RHOJ: variants seen among roughly 807,000 people sequenced by gnomAD.
RHOJ encodes the protein rho-related GTP-binding protein RhoJ.
A neutral mutation model predicts 23.4 loss-of-function variants in RHOJ; 11 were observed. The ratio of observed to expected loss-of-function variants is 0.47; its 90% CI spans 0.30 to 0.78. The LOEUF is 0.78. RHOJ is among the 30% of genes least tolerant of loss of function. RHOJ has a pLI of 0.08. For synonymous variants in RHOJ, 102 were observed against 102.7 expected (o/e 0.99, Z 0.04); for missense variants, 254 against 273.4 (o/e 0.93, Z 0.50).
intron 1 of RHOJ, among the ~76,000 whole-genome samples, chr14:63,231,363 A>G (rs1480826513): frequency 6.6e-6 from 1 of 152,188 alleles, no homozygotes; most frequent in African/African-American, 2.4e-5. Context: ...AGTGAACACA[A>G]CTACCTTGCT....
chr14:63,274,440 G>A (rs2139659186), intron 2 of RHOJ, among the ~76,000 whole-genome samples: 1 of 152,292 alleles, frequency 6.6e-6, no homozygotes. Context: ...AAAGAGAGCT[G>A]TAGGAACACT....
At chr14:63,284,195 A>C (rs1408441434) in intron 4 of RHOJ, 2 of 981,910 alleles carry the variant, frequency 2.0e-6, no homozygotes, top group African/African-American at 3.5e-5. Context: ...ATCTTATTAA[A>C]TCTTGCTTGC....
At chr14:63,245,685 A>T (rs1295085124) in intron 1 of RHOJ, among the ~76,000 whole-genome samples, 2 of 152,146 alleles carry the variant, frequency 1.3e-5, no homozygotes, top group East Asian at 1.9e-4. Flanking sequence ...TGGAGGGGTT[A>T]TAACTGTACA....
At chr14:63,273,072 A>C (rs1166861304) in intron 2 of RHOJ, among the ~76,000 whole-genome samples, 3 of 152,182 alleles carry the variant, frequency 2.0e-5, no homozygotes, top group African/African-American at 7.2e-5. Context: ...CACTGTCAAC[A>C]TGTGGTGGCT....
rs543068392 is a variant in RHOJ, at chr14:63,257,823, G to A, written c.179-11287G>A. Among the ~76,000 whole-genome samples the A allele has an allele frequency of 3.1e-4, 46 of 149,208 alleles. 2 individuals carry two copies. The highest frequency in any genetic ancestry group is 5.2e-4 in the African/African-American group (21 of 40,422). ...CCAGGTCCTGAATACCTTGCTCCAC[G>A]GGGACAGAGGAGGGGAGGTGATTTC... On this transcript the variant is annotated intron_variant, in intron 1 of 4. Transcript: ENST00000316754.
intron 1 of RHOJ, among the ~76,000 whole-genome samples, chr14:63,257,539 A>C (rs951254959): frequency 2.7e-5 from 4 of 150,146 alleles, no homozygotes; most frequent in African/African-American, 9.8e-5. Context: ...GCCAGGCCCG[A>C]ACAGCCTAGG....
rs1895420050 is a variant in RHOJ, at chr14:63,269,139, T to C, written c.208T>C (p.Leu70=). 6.2e-7 allele frequency: 1 copy of C among 1,613,476 alleles called. No homozygotes were observed. Among genetic ancestry groups the C allele is most frequent in the African/African-American group, 1.3e-5 (1 of 75,024 alleles). ...VTVTVGGKQH[L]LGLYDTAGQE... ...TGTGACTGTGGGAGGCAAGCAACAC[T>C]TGCTCGGACTGTATGACACCGCGGG... is the stretch of plus-strand genomic sequence containing the variant. Residue 70 remains leucine, a synonymous_variant, in exon 2 of 5, where the codon TTG becomes CTG. Coordinates refer to ENST00000316754, the MANE Select transcript of RHOJ (RefSeq NM_020663.5).
chr14:63,217,342 G>T (rs1465763866), intron 1 of RHOJ, among the ~76,000 whole-genome samples: 2 of 150,342 alleles, frequency 1.3e-5, no homozygotes, highest in Non-Finnish European at 3.0e-5. Flanking sequence ...GTGGTGTTTG[G>T]TTTTTTGTTC....
chr14:63,214,160 A>C (rs1033427918), intron 1 of RHOJ, among the ~76,000 whole-genome samples: 51 of 152,354 alleles, frequency 3.3e-4, no homozygotes, highest in African/African-American at 9.6e-4. Flanking sequence ...TGGCCATAAG[A>C]AAAGCTTACT....
chr14:63,282,211 C>T (rs148345765), intron 3 of RHOJ, among the ~76,000 whole-genome samples: 122 of 152,102 alleles, frequency 8.0e-4, no homozygotes, highest in African/African-American at 2.8e-3. Flanking sequence ...AACATTCAAT[C>T]ACCTTTCTGT....
intron 1 of RHOJ, among the ~76,000 whole-genome samples, chr14:63,229,898 A>G (rs1272703755): frequency 3.3e-5 from 5 of 152,340 alleles, no homozygotes; most frequent in Admixed American, 3.3e-4. Flanking sequence ...TATTTCCACC[A>G]TACCGTGTTG....
At chr14:63,284,100 C>T (rs955227032) in intron 4 of RHOJ, among the ~76,000 whole-genome samples, 7 of 152,200 alleles carry the variant, frequency 4.6e-5, no homozygotes, top group Admixed American at 2.6e-4. Flanking sequence ...AAAACGCATA[C>T]CGCAGGCAGA....
intron 4 of RHOJ, chr14:63,284,337 A>G (rs1882010599): frequency 1.0e-6 from 1 of 985,294 alleles, no homozygotes; most frequent in Non-Finnish European, 1.2e-6. Context: ...TTCTATGCAC[A>G]GTAATGTCAA....
intron 1 of RHOJ, among the ~76,000 whole-genome samples, chr14:63,218,846 C>A (rs933665511): frequency 6.6e-6 from 1 of 152,136 alleles, no homozygotes; most frequent in African/African-American, 2.4e-5. Flanking sequence ...TAAGTATAGT[C>A]GTATACACAG....
intron 4 of RHOJ, chr14:63,288,116 A>G (rs943297786): frequency 1.6e-5 from 15 of 932,544 alleles, no homozygotes; most frequent in African/African-American, 3.6e-5. Context: ...TACTTTTTCT[A>G]TCAGTACAAC....
intron 1 of RHOJ, among the ~76,000 whole-genome samples, chr14:63,224,289 G>A (rs992689810): frequency 6.6e-6 from 1 of 152,160 alleles, no homozygotes; most frequent in Non-Finnish European, 1.5e-5. Flanking sequence ...ATCTTTATTT[G>A]TTCCTTCACA....
intron 4 of RHOJ, among the ~76,000 whole-genome samples, chr14:63,288,605 C>T (rs1044497181): frequency 6.6e-6 from 1 of 152,128 alleles, no homozygotes; most frequent in Non-Finnish European, 1.5e-5. Flanking sequence ...ATTTTCTCTG[C>T]GCTTTATTCC....
chr14:63,260,374 T>G (rs1895251014), intron 1 of RHOJ, among the ~76,000 whole-genome samples: 1 of 152,162 alleles, frequency 6.6e-6, no homozygotes, highest in Non-Finnish European at 1.5e-5. Context: ...ATAAGCTTGG[T>G]CCTACAGCCT....
chr14:63,263,378 T>C (rs1226328158), intron 1 of RHOJ, among the ~76,000 whole-genome samples: 1 of 152,158 alleles, frequency 6.6e-6, no homozygotes, highest in Non-Finnish European at 1.5e-5. Flanking sequence ...AGGCATCCAC[T>C]GCTAGTCCAA....
Sources: gnomAD v4.1 joint callset for allele counts (sites outside exome capture counted in the v4.1 genomes callset) on GRCh38, gnomAD v4.1.1 for gene constraint, MANE v1.5 for transcripts, NCBI Gene and HGNC (gene_info 2026-07-23, HGNC 2026-07-21) for gene names.